COL8A1: variants seen among roughly 807,000 people sequenced by gnomAD.
COL8A1 encodes the protein collagen alpha-1(VIII) chain.
Under a neutral mutation model 42.7 loss-of-function variants are expected in COL8A1, and 21 were observed. The ratio of observed to expected loss-of-function variants is 0.49; its 90% confidence interval spans 0.35 to 0.71. The LOEUF (loss-of-function observed/expected upper bound fraction) is 0.71, where lower values mean the gene tolerates loss of function less well. Ranked by LOEUF, COL8A1 falls within the 30% of genes least tolerant of loss-of-function variation. COL8A1 has a pLI of 0.01. For synonymous variants in COL8A1, 367 were observed against 369.1 expected, an observed-to-expected ratio of 0.99 and a Z score of 0.06; for missense variants, 788 against 962.4, an observed-to-expected ratio of 0.82 and a Z score of 2.40.
At chr3:99,646,096 A>C (rs1357015766) in intron 1 of COL8A1, among the ~76,000 whole-genome samples, 1 of 152,136 alleles carries the variant, frequency 6.6e-6, no homozygotes, top group Non-Finnish European at 1.5e-5. Context: ...TCTTGCCTAG[A>C]CTGAAGTGAA....
At chr3:99,676,267 A>C (rs942263717) in intron 1 of COL8A1, among the ~76,000 whole-genome samples, 1 of 152,152 alleles carries the variant, frequency 6.6e-6, no homozygotes, top group Non-Finnish European at 1.5e-5. Flanking sequence ...AATTTCACAC[A>C]ACATTCCCAA....
chr3:99,651,226 A>G (rs1202827783), intron 1 of COL8A1, among the ~76,000 whole-genome samples: 1 of 152,200 alleles, frequency 6.6e-6, no homozygotes, highest in Non-Finnish European at 1.5e-5. Context: ...CTTTGGGGAA[A>G]AAGCATGGTT....
At chr3:99,669,349 T>A (rs1354077436) in intron 1 of COL8A1, among the ~76,000 whole-genome samples, 3 of 151,704 alleles carry the variant, frequency 2.0e-5, no homozygotes, top group African/African-American at 7.3e-5. Context: ...TTTTAAAGAA[T>A]GAAAACTCAT....
At chr3:99,685,166 C>T (rs1198025530) in intron 1 of COL8A1, among the ~76,000 whole-genome samples, 1 of 152,104 alleles carries the variant, frequency 6.6e-6, no homozygotes, top group African/African-American at 2.4e-5. Flanking sequence ...AAAACAAATG[C>T]AGATGATGCA....
chr3:99,733,795 T>A (rs960150965), intron 1 of COL8A1, among the ~76,000 whole-genome samples: 5 of 151,722 alleles, frequency 3.3e-5, no homozygotes, highest in African/African-American at 9.7e-5. Flanking sequence ...TTTCTCCACA[T>A]CCTCTCCAGC....
intron 1 of COL8A1, among the ~76,000 whole-genome samples, chr3:99,737,203 C>A (rs1236846182): frequency 6.6e-6 from 1 of 152,102 alleles, no homozygotes; most frequent in Admixed American, 6.5e-5. Context: ...CAGTCTGTGT[C>A]TTTTAATTGG....
chr3:99,734,982 A>G lies in COL8A1; in HGVS notation c.-128-9915A>G, dbSNP rs1940657902. On this transcript the variant is annotated intron_variant, in intron 1 of 3. Coordinates refer to ENST00000652472, the MANE Select transcript of COL8A1 (RefSeq NM_020351.4). ...CTGTTGCTGTATAAGAATGCTTGTG[A>G]TTTTTGTACATTGATTTTGTATCCT... Among the ~76,000 whole-genome samples the G allele has an allele frequency of 2.6e-5, 4 of 152,040 alleles. No individual in the cohort carries two copies. In the South Asian group the frequency reaches 8.3e-4, roughly 32 times the overall value.
intron 1 of COL8A1, among the ~76,000 whole-genome samples, chr3:99,715,246 A>T (rs371078859): frequency 2.0e-5 from 3 of 152,208 alleles, no homozygotes; most frequent in South Asian, 4.1e-4. Context: ...AGGATACAAG[A>T]GTGGTCACAG....
chr3:99,715,289 A>C (rs1044863776), intron 1 of COL8A1, among the ~76,000 whole-genome samples: 4 of 152,090 alleles, frequency 2.6e-5, no homozygotes, highest in African/African-American at 9.7e-5. Context: ...GCAGTAAACA[A>C]ATGAGAAATG....
chr3:99,790,130 GGA>G (rs765613913), intron 2 of COL8A1, among the ~76,000 whole-genome samples: 5 of 152,174 alleles, frequency 3.3e-5, no homozygotes, highest in Non-Finnish European at 7.3e-5. Context: ...AGCCTAACCA[GGA>G]CTGAGGTTTA....
chr3:99,784,195 C>T (rs944387851), intron 2 of COL8A1, among the ~76,000 whole-genome samples: 3 of 152,162 alleles, frequency 2.0e-5, no homozygotes, highest in Admixed American at 6.5e-5. Context: ...TGGATGGCAG[C>T]TCCTACACAT....
chr3:99,754,576 T>C (rs1051006067), intron 2 of COL8A1, among the ~76,000 whole-genome samples: 1 of 152,088 alleles, frequency 6.6e-6, no homozygotes, highest in Non-Finnish European at 1.5e-5. Context: ...ATAAGAAAGA[T>C]ACACATTTCC....
chr3:99,770,448 A>G (rs1465469723), intron 2 of COL8A1, among the ~76,000 whole-genome samples: 2 of 152,196 alleles, frequency 1.3e-5, no homozygotes, highest in Non-Finnish European at 2.9e-5. Context: ...ATTCATCTGC[A>G]TTGCCTACAA....
At chr3:99,640,372 A>G (rs1443352865) in intron 1 of COL8A1, among the ~76,000 whole-genome samples, 1 of 152,174 alleles carries the variant, frequency 6.6e-6, no homozygotes, top group African/African-American at 2.4e-5. Context: ...GGCACATTCA[A>G]GTTAATTCTT....
intron 3 of COL8A1, among the ~76,000 whole-genome samples, chr3:99,791,500 C>T (rs891677287): frequency 6.6e-6 from 1 of 152,234 alleles, no homozygotes; most frequent in Non-Finnish European, 1.5e-5. Flanking sequence ...GTTCTTAATA[C>T]TACTCTAATT....
intron 1 of COL8A1, among the ~76,000 whole-genome samples, chr3:99,652,803 C>G (rs1937889132): frequency 6.6e-6 from 1 of 152,144 alleles, no homozygotes; most frequent in Non-Finnish European, 1.5e-5. Context: ...CCATTTTAAA[C>G]CTGTCTGTAA....
chr3:99,724,473 A>T (rs1940245166), intron 1 of COL8A1, among the ~76,000 whole-genome samples: 2 of 152,110 alleles, frequency 1.3e-5, no homozygotes. Context: ...AGGCTGTTAA[A>T]TCTCAGACAC....
chr3:99,799,178 G>A lies in COL8A1; in HGVS notation c.*3042G>A, dbSNP rs1942151301. ...AAATCATTTTTGTATTTAAATTTTT[G>A]TACTGATTTGAAAAACATCATTAAA... On this transcript the variant is annotated 3_prime_UTR_variant, in exon 4 of 4. Transcript: ENST00000652472. 1 of 152,172 alleles carries A rather than the reference G, an allele frequency of 6.6e-6. No individual in the cohort carries two copies. The highest frequency in any genetic ancestry group is 1.5e-5 in the Non-Finnish European group (1 of 68,022). The allele number at this position is 152,172 out of a possible 1,614,324, so 9.4% of individuals were successfully genotyped here.
intron 1 of COL8A1, among the ~76,000 whole-genome samples, chr3:99,740,617 A>G (rs1244997553): frequency 6.6e-6 from 1 of 152,162 alleles, no homozygotes; most frequent in Non-Finnish European, 1.5e-5. Context: ...CCCATGATTC[A>G]CTTACCTCCC....
Sources: allele counts gnomAD v4.1 joint callset (sites outside exome capture counted in the v4.1 genomes callset), GRCh38; gene constraint gnomAD v4.1.1; transcripts MANE v1.5; gene names NCBI Gene and HGNC (gene_info 2026-07-23, HGNC 2026-07-21).